Variants in SLC9A9 observed in about 807,000 individuals in gnomAD.
SLC9A9 encodes solute carrier family 9 member A9, also known as sodium/hydrogen exchanger 9.
Under a neutral mutation model 77.8 loss-of-function variants are expected in SLC9A9, and 62 were observed. That is an observed-to-expected ratio of 0.80 (90% CI 0.65 to 0.98). SLC9A9 has a LOEUF of 0.98. Ranked by LOEUF, SLC9A9 falls within the 50% of genes least tolerant of loss-of-function variation. SLC9A9 has a pLI of 0.00. For missense variants in SLC9A9, 775 were observed against 774.9 expected, an observed-to-expected ratio of 1.00 and a Z score of 0.00; for synonymous variants, 320 against 283.5, an observed-to-expected ratio of 1.13 and a Z score of -1.29.
chr3:143,705,008 T>C (rs1933923498), intron 4 of SLC9A9, among the ~76,000 whole-genome samples: 1 of 32,414 alleles, frequency 3.1e-5, no homozygotes, highest in Non-Finnish European at 7.8e-5. Flanking sequence ...TCTATCTATC[T>C]ATCTATCTAT....
rs145635151 is a variant in SLC9A9, at chr3:143,372,195, A to T, written c.1525-8632T>A. On this transcript the variant is annotated intron_variant, in intron 13 of 15. Coordinates refer to ENST00000316549, the MANE Select transcript of SLC9A9 (RefSeq NM_173653.4). ...CCTATCAAAATAACTACCGTTTTTC[A>T]CAGAATTAGAAAAAACAATTCTAAA... Among the ~76,000 whole-genome samples the T allele has an allele frequency of 3.7e-3, 566 of 152,306 alleles. 4 individuals are homozygous for T. The highest frequency in any genetic ancestry group is 0.013 in the African/African-American group (554 of 41,588).
intron 14 of SLC9A9, among the ~76,000 whole-genome samples, chr3:143,324,589 A>T (rs149939727): frequency 0.028 from 4,300 of 152,276 alleles, 76 homozygotes; most frequent in South Asian, 0.041. Flanking sequence ...TGGGAGGCTG[A>T]GGTGGGCAGA....
intron 9 of SLC9A9, among the ~76,000 whole-genome samples, chr3:143,520,863 G>T (rs1376975302): frequency 1.3e-5 from 2 of 152,102 alleles, no homozygotes; most frequent in African/African-American, 4.8e-5. Flanking sequence ...TATACTGATG[G>T]CCGTTAAGAT....
chr3:143,312,988 C>T (rs1039277859), intron 14 of SLC9A9: 2 of 152,194 alleles, frequency 1.3e-5, no homozygotes, highest in African/African-American at 2.4e-5. Context: ...TAACTAATTC[C>T]TCCTAGGAGA....
At chr3:143,599,755 C>T (rs533803106) in intron 6 of SLC9A9, among the ~76,000 whole-genome samples, 6 of 152,208 alleles carry the variant, frequency 3.9e-5, no homozygotes, top group Non-Finnish European at 8.8e-5. Context: ...CAAATAATTA[C>T]AACAAACAAA....
chr3:143,703,949 A>G (rs1234227954), intron 4 of SLC9A9, among the ~76,000 whole-genome samples: 4 of 152,156 alleles, frequency 2.6e-5, no homozygotes, highest in Admixed American at 2.6e-4. Flanking sequence ...ATGGCAATAA[A>G]TTGGAAAATC....
intron 13 of SLC9A9, chr3:143,381,823 A>G: frequency 3.7e-6 from 2 of 538,256 alleles, no homozygotes; most frequent in South Asian, 2.1e-5. Context: ...TAAAGTTTCC[A>G]GACTTCCTGC....
intron 14 of SLC9A9, among the ~76,000 whole-genome samples, chr3:143,284,466 A>T (rs1397929866): frequency 6.6e-6 from 1 of 150,504 alleles, no homozygotes; most frequent in Non-Finnish European, 1.5e-5. Context: ...GGCTGAATTG[A>T]TTGTGACCTT....
intron 11 of SLC9A9, among the ~76,000 whole-genome samples, chr3:143,477,330 A>ATTTTTTTTTTTT (rs59195338): frequency 9.0e-5 from 9 of 100,014 alleles, no homozygotes; most frequent in African/African-American, 1.1e-4. Flanking sequence ...GGCTTCTTCA[A>ATTTTTTTTTTTT]TTTTTTTTTT....
At chr3:143,820,685 G>A (rs1373962404) in intron 2 of SLC9A9, among the ~76,000 whole-genome samples, 1 of 152,190 alleles carries the variant, frequency 6.6e-6, no homozygotes, top group Non-Finnish European at 1.5e-5. Context: ...CAAGTGAGAA[G>A]AGCCTGGTCC....
At chr3:143,665,886 G>C (rs771586923) in intron 5 of SLC9A9, among the ~76,000 whole-genome samples, 2 of 152,116 alleles carry the variant, frequency 1.3e-5, no homozygotes, top group Admixed American at 6.5e-5. Flanking sequence ...ATTCACAGAC[G>C]AATTCTACCA....
In SLC9A9 at chr3:143,288,110, G is replaced by A. The variant is rs564794061; in HGVS notation, c.1605-19130C>T. Reference sequence around the variant, plus strand: ...AAAAATGGAACATTTCCTTCTGAACGGAATTGTAGTGAATTGAGAACTAAA... The same window carrying A: ...AAAAATGGAACATTTCCTTCTGAACAGAATTGTAGTGAATTGAGAACTAAA... On this transcript the variant is annotated intron_variant, in intron 14 of 15. Transcript: ENST00000316549. 3.1e-3 allele frequency among the ~76,000 whole-genome samples: 477 copies of A among 152,170 alleles called. 2 individuals are homozygous for A. Among genetic ancestry groups the A allele is most frequent in the African/African-American group, 0.011 (465 of 41,514 alleles).
At chr3:143,273,063 G>T (rs1313133920) in intron 14 of SLC9A9, among the ~76,000 whole-genome samples, 1 of 152,222 alleles carries the variant, frequency 6.6e-6, no homozygotes, top group East Asian at 1.9e-4. Context: ...GACATTGATT[G>T]ATCTTTTGTT....
At chr3:143,373,605 T>TAAAAAAA (rs67376157) in intron 13 of SLC9A9, among the ~76,000 whole-genome samples, 45 of 58,568 alleles carry the variant, frequency 7.7e-4, no homozygotes, top group African/African-American at 1.4e-3. Flanking sequence ...ACTGAAATAG[T>TAAAAAAA]AAAAAAAAAA....
At chr3:143,567,134 A>AT (rs2037181625) in intron 8 of SLC9A9, among the ~76,000 whole-genome samples, 1 of 152,148 alleles carries the variant, frequency 6.6e-6, no homozygotes, top group African/African-American at 2.4e-5. Context: ...CCTCACAGAG[A>AT]GAATTCCTTA....
At chr3:143,447,737 T>C (rs985189836) in intron 12 of SLC9A9, among the ~76,000 whole-genome samples, 1 of 152,122 alleles carries the variant, frequency 6.6e-6, no homozygotes, top group African/African-American at 2.4e-5. Flanking sequence ...TAGAGCATCG[T>C]TGTCTGTCTA....
intron 4 of SLC9A9, among the ~76,000 whole-genome samples, chr3:143,772,321 G>C (rs2007551762): frequency 6.6e-6 from 1 of 152,128 alleles, no homozygotes; most frequent in Non-Finnish European, 1.5e-5. Context: ...CGGTCCCAGG[G>C]AAAGAGACTT....
At chr3:143,611,153 T>C (rs1352138855) in intron 6 of SLC9A9, among the ~76,000 whole-genome samples, 1 of 152,078 alleles carries the variant, frequency 6.6e-6, no homozygotes, top group Non-Finnish European at 1.5e-5. Flanking sequence ...AATACAAGGA[T>C]TGAAATGAAA....
intron 4 of SLC9A9, among the ~76,000 whole-genome samples, chr3:143,769,387 T>G (rs924979183): frequency 6.6e-5 from 10 of 152,312 alleles, no homozygotes; most frequent in South Asian, 4.1e-4. Flanking sequence ...TCTACCCATG[T>G]TAACATTAGC....
Sources: gnomAD v4.1 joint callset for allele counts (sites outside exome capture counted in the v4.1 genomes callset) on GRCh38, gnomAD v4.1.1 for gene constraint, MANE v1.5 for transcripts, NCBI Gene and HGNC (gene_info 2026-07-23, HGNC 2026-07-21) for gene names.